The following VTI1A variants were observed in gnomAD, a reference collection of about 807,000 sequenced individuals.
VTI1A encodes the protein vesicle transport through interaction with t-SNAREs homolog 1A.
A neutral mutation model predicts 34.9 loss-of-function variants in VTI1A; 22 were observed. The ratio of observed to expected loss-of-function variants is 0.63; its 90% confidence interval spans 0.45 to 0.90. The LOEUF is 0.90. VTI1A is among the 40% of genes least tolerant of loss of function. VTI1A has a pLI of 0.00. For missense variants in VTI1A, 268 were observed against 275.6 expected (o/e 0.97, Z 0.20); for synonymous variants, 87 against 97.3 (o/e 0.89, Z 0.62).
chr10:112,527,249 A>G (rs112713925), intron 4 of VTI1A, 85 bp downstream of exon 4: 321 of 1,209,416 alleles, frequency 2.7e-4, no homozygotes, highest in Non-Finnish European at 3.7e-4. Context: ...CTGCTCCTTA[A>G]CGGTATTAGC....
chr10:112,527,497 A>C (rs958824243), intron 4 of VTI1A: 1 of 170,372 alleles, frequency 5.9e-6, no homozygotes, highest in African/African-American at 2.4e-5. Flanking sequence ...GGAATAAAAA[A>C]GTACATAATA....
Position 112,696,114 on chromosome 10 carries a change from A to ATATG in VTI1A, c.560+27117_560+27118insATGT, listed in dbSNP as rs1217632103. 2.3e-3 allele frequency among the ~76,000 whole-genome samples: 345 copies of ATATG among 151,412 alleles called. 1 individual carries two copies. The highest frequency in any genetic ancestry group is 7.9e-3 in the African/African-American group (323 of 41,134). On this transcript the variant is annotated intron_variant, in intron 7 of 7. Transcript: ENST00000393077. ...AATGATTATATATATATATATATAT[A>ATATG]TGCACGTGAGCACATCCAGGGAAAT...
chr10:112,642,977 CTTTTTTTT>C (rs58619611), intron 5 of VTI1A, among the ~76,000 whole-genome samples: 1 of 121,014 alleles, frequency 8.3e-6, no homozygotes, highest in Non-Finnish European at 1.6e-5. Context: ...TTTTTCTTTT[CTTTTTTTT>C]TTTTTTTTTG....
intron 7 of VTI1A, among the ~76,000 whole-genome samples, chr10:112,794,354 G>A (rs1852597479): frequency 6.6e-6 from 1 of 152,078 alleles, no homozygotes; most frequent in Non-Finnish European, 1.5e-5. Flanking sequence ...CCAGGAGTTC[G>A]AGACCGGCCT....
the VTI1A span, among the ~76,000 whole-genome samples, chr10:112,833,734 T>C: frequency 6.6e-6 from 1 of 152,130 alleles, no homozygotes; most frequent in African/African-American, 2.4e-5. Context: ...ACACTCTATT[T>C]CTCCTTGGGG....
In VTI1A at chr10:112,624,544, A is replaced by G. The variant is rs556605639; in HGVS notation, c.428-43674A>G. ...TTTTTTAATATACATTTTCATTTTT[A>G]TGTTTTTTTTAAAAAAAGTTCTTAT... On this transcript the variant is annotated intron_variant, in intron 5 of 7. Coordinates refer to ENST00000393077, the MANE Select transcript of VTI1A (RefSeq NM_145206.4). Among the ~76,000 whole-genome samples, 4 of 152,144 alleles carry G rather than the reference A, an allele frequency of 2.6e-5. No individual in the cohort carries two copies. In the East Asian group the frequency reaches 7.7e-4, roughly 29 times the overall value.
chr10:112,631,935 C>A (rs1846145132), intron 5 of VTI1A, among the ~76,000 whole-genome samples: 1 of 152,148 alleles, frequency 6.6e-6, no homozygotes, highest in African/African-American at 2.4e-5. Context: ...AGAACATAAT[C>A]CAGGATTCTA....
intron 5 of VTI1A, among the ~76,000 whole-genome samples, chr10:112,613,573 G>T (rs569133099): frequency 6.6e-6 from 1 of 151,948 alleles, no homozygotes; most frequent in African/African-American, 2.4e-5. Flanking sequence ...CTCTTTTGCA[G>T]ACTCTTCACT....
At chr10:112,693,039 A>G (rs951119862) in intron 7 of VTI1A, among the ~76,000 whole-genome samples, 1 of 152,218 alleles carries the variant, frequency 6.6e-6, no homozygotes, top group African/African-American at 2.4e-5. Flanking sequence ...AATATCTGCT[A>G]TTTTCTCTCA....
At chr10:112,533,427 C>T in intron 4 of VTI1A, 1 of 748,126 alleles carries the variant, frequency 1.3e-6, no homozygotes, top group Non-Finnish European at 1.6e-6. Flanking sequence ...AACATGTAAA[C>T]AGATAAATTG....
At chr10:112,737,327 C>T (rs962500961) in intron 7 of VTI1A, 17 of 1,022,680 alleles carry the variant, frequency 1.7e-5, no homozygotes, top group African/African-American at 6.8e-5. Context: ...TGTGAGCCAC[C>T]GTGCCCAACC....
chr10:112,539,244 A>G (rs998205824), intron 5 of VTI1A, among the ~76,000 whole-genome samples: 11 of 152,232 alleles, frequency 7.2e-5, no homozygotes, highest in Non-Finnish European at 1.5e-5. Flanking sequence ...TTAAAGATTT[A>G]GAGTCATAGA....
At chr10:112,523,452 A>G (rs192570273) in intron 3 of VTI1A, among the ~76,000 whole-genome samples, 1 of 152,210 alleles carries the variant, frequency 6.6e-6, no homozygotes, top group East Asian at 1.9e-4. Flanking sequence ...TAGTTCATAT[A>G]CGATCTGTAG....
intron 1 of VTI1A, among the ~76,000 whole-genome samples, chr10:112,460,026 C>T (rs1055164872): frequency 1.3e-5 from 2 of 152,162 alleles, no homozygotes; most frequent in Non-Finnish European, 2.9e-5. Flanking sequence ...GGTTTGGAAT[C>T]AGTAGTCCTA....
Position 112,589,524 on chromosome 10 carries a change from A to G in VTI1A, c.427+51194A>G, listed in dbSNP as rs142591004. Among the ~76,000 whole-genome samples, 708 of 152,290 alleles carry G rather than the reference A, an allele frequency of 4.6e-3. 14 individuals are homozygous for G. Among genetic ancestry groups the G allele is most frequent in the African/African-American group, 0.017 (687 of 41,558 alleles). Reference sequence around the variant, plus strand: ...TGGGTATGTCTTTATCAGCCACGTGAAAACGAACTAATACAGGGGAAAAAA... The same window carrying G: ...TGGGTATGTCTTTATCAGCCACGTGGAAACGAACTAATACAGGGGAAAAAA... On this transcript the variant is annotated intron_variant, in intron 5 of 7. Transcript: ENST00000393077.
chr10:112,572,096 T>G (rs148291794), intron 5 of VTI1A, among the ~76,000 whole-genome samples: 2 of 152,132 alleles, frequency 1.3e-5, no homozygotes, highest in African/African-American at 4.8e-5. Context: ...CATATACTAA[T>G]GTAACAAACT....
chr10:112,669,081 T>C, intron 7 of VTI1A, 83 bp downstream of exon 7: 5 of 1,504,324 alleles, frequency 3.3e-6, no homozygotes, highest in Non-Finnish European at 3.7e-6. Flanking sequence ...ATGGGGCATA[T>C]TACATGCTTT....
intron 7 of VTI1A, among the ~76,000 whole-genome samples, chr10:112,681,456 G>A (rs1383023343): frequency 6.6e-6 from 1 of 152,090 alleles, no homozygotes; most frequent in Non-Finnish European, 1.5e-5. Context: ...ACCTGTTTTT[G>A]TATGGCCTGC....
intron 5 of VTI1A, among the ~76,000 whole-genome samples, chr10:112,646,219 TG>T (rs992353373): frequency 6.6e-6 from 1 of 152,076 alleles, no homozygotes; most frequent in African/African-American, 2.4e-5. Flanking sequence ...GTCAATATTA[TG>T]TGCATTCTGA....
Sources: gnomAD v4.1 joint callset for allele counts (sites outside exome capture counted in the v4.1 genomes callset) on GRCh38, gnomAD v4.1.1 for gene constraint, MANE v1.5 for transcripts, NCBI Gene and HGNC (gene_info 2026-07-23, HGNC 2026-07-21) for gene names.